KAZN: variants seen among roughly 807,000 people sequenced by gnomAD.
The protein encoded by KAZN is kazrin.
In KAZN, 40 loss-of-function variants were observed where a neutral mutation model predicts 87.4. The observed-to-expected ratio is 0.46, with a 90% CI of 0.36 to 0.60. The LOEUF is 0.60. KAZN is among the 20% of genes least tolerant of loss of function. The pLI is 0.00. For synonymous variants in KAZN, 466 were observed against 458.3 expected, an observed-to-expected ratio of 1.02 and a Z score of -0.22; for missense variants, 898 against 1,073.9, an observed-to-expected ratio of 0.84 and a Z score of 2.29.
intron 1 of KAZN, among the ~76,000 whole-genome samples, chr1:14,084,170 G>A (rs1426274585): frequency 6.6e-6 from 1 of 152,216 alleles, no homozygotes; most frequent in Admixed American, 6.5e-5. Context: ...AAGCGGGAAG[G>A]TCTGGGGACG....
Position 14,466,743 on chromosome 1 carries a change from C to T in KAZN, c.250-132240C>T, listed in dbSNP as rs545713500. Among the ~76,000 whole-genome samples the T allele has an allele frequency of 3.6e-3, 538 of 151,420 alleles. 4 individuals are homozygous for T. The highest frequency in any genetic ancestry group is 5.7e-3 in the Non-Finnish European group (386 of 67,866). On this transcript the variant is annotated intron_variant, in intron 2 of 16. Coordinates refer to the KAZN transcript ENST00000636203. ...CAGCACTTCGGGAGGCCGAGGTGGG[C>T]AGATCACGAAGTCAGGAGATGGAGA...
chr1:13,917,653 G>T (rs1424175406), intron 1 of KAZN, among the ~76,000 whole-genome samples: 1 of 151,862 alleles, frequency 6.6e-6, no homozygotes, highest in East Asian at 1.9e-4. Flanking sequence ...TTAAAAATTA[G>T]CTGGGTGTAG....
At chr1:14,123,515 T>G (rs1242111704) in intron 1 of KAZN, among the ~76,000 whole-genome samples, 1 of 152,172 alleles carries the variant, frequency 6.6e-6, no homozygotes, top group Non-Finnish European at 1.5e-5. Context: ...GTCAAATGAA[T>G]TTTTAAGCGA....
intron 1 of KAZN, among the ~76,000 whole-genome samples, chr1:14,765,303 A>G (rs1002416727): frequency 5.9e-5 from 9 of 152,318 alleles, no homozygotes; most frequent in Admixed American, 5.2e-4. Flanking sequence ...GCTGTAGATG[A>G]AATAGAAGCA....
In KAZN at chr1:14,289,587, A is replaced by G. The variant is rs906681860; in HGVS notation, c.249+108995A>G. On this transcript the variant is annotated intron_variant, in intron 2 of 16. Transcript: ENST00000636203. ...TTGAGCCTATGTCTCTGCACATAAGATGGGTCTCCCGAATATAGCACACTG... is the reference window on the plus strand; with the variant it reads ...TTGAGCCTATGTCTCTGCACATAAGGTGGGTCTCCCGAATATAGCACACTG... 1.2e-4 allele frequency among the ~76,000 whole-genome samples: 18 copies of G among 151,936 alleles called. No individual in the cohort carries two copies. The East Asian group carries it at 3.5e-3, about 30-fold the overall frequency.
In KAZN at chr1:14,949,829, C is replaced by G. The variant is rs1662269636; in HGVS notation, c.227-10855C>G. 6.6e-6 allele frequency among the ~76,000 whole-genome samples: 1 copy of G among 152,048 alleles called. No homozygotes were observed. The highest frequency in any genetic ancestry group is 2.4e-5 in the African/African-American group (1 of 41,366). On this transcript the variant is annotated intron_variant, in intron 1 of 14. Coordinates refer to ENST00000376030, the MANE Select transcript of KAZN (RefSeq NM_201628.3). The surrounding 1 kb of genome is among the most constrained non-coding windows in gnomAD (Gnocchi z 4.3). ...GTGGGTGAAGGCATGCAGGAGAGTACAGGTTTTCTGGGGTGTGGAGCTGGG... is the reference window on the plus strand; with the variant it reads ...GTGGGTGAAGGCATGCAGGAGAGTAGAGGTTTTCTGGGGTGTGGAGCTGGG...
chr1:14,482,917 T>G (rs1183969697), intron 2 of KAZN, among the ~76,000 whole-genome samples: 1 of 152,220 alleles, frequency 6.6e-6, no homozygotes, highest in Non-Finnish European at 1.5e-5. Flanking sequence ...GCAAGTATCC[T>G]TAGGTAAGTT....
At chr1:13,957,254 C>T (rs556855408) in intron 1 of KAZN, among the ~76,000 whole-genome samples, 45 of 152,190 alleles carry the variant, frequency 3.0e-4, no homozygotes, top group Non-Finnish European at 5.6e-4. Flanking sequence ...TGTGGAAATG[C>T]AAAATAAAAT....
chr1:14,535,492 C>T (rs571919122), intron 2 of KAZN, among the ~76,000 whole-genome samples: 1 of 152,210 alleles, frequency 6.6e-6, no homozygotes, highest in African/African-American at 2.4e-5. Context: ...ATGGTGAAAC[C>T]CCGTCTTTAC....
At chr1:14,095,138 C>G (rs2101629405) in intron 1 of KAZN, among the ~76,000 whole-genome samples, 1 of 152,290 alleles carries the variant, frequency 6.6e-6, no homozygotes, top group East Asian at 1.9e-4. Context: ...TGTGTACCAT[C>G]ACCATTCCCT....
In KAZN at chr1:14,688,968, C is replaced by T. The variant is rs187937246; in HGVS notation, c.226+89745C>T. On this transcript the variant is annotated intron_variant, in intron 1 of 14. Coordinates refer to ENST00000376030, the MANE Select transcript of KAZN (RefSeq NM_201628.3). The stretch of plus-strand genomic sequence containing the variant: ...TAGCACTTTGGGAAGCCAAGGTGGG[C>T]GGATTGCCTGAGCTCAGGAGTTGGA... Among the ~76,000 whole-genome samples, 1,151 of 152,096 alleles carry T rather than the reference C, an allele frequency of 7.6e-3. 9 individuals are homozygous for T. The highest frequency in any genetic ancestry group is 0.013 in the Non-Finnish European group (861 of 67,972).
At chr1:14,622,127 G>A (rs1235441271) in intron 1 of KAZN, among the ~76,000 whole-genome samples, 3 of 152,138 alleles carry the variant, frequency 2.0e-5, no homozygotes, top group African/African-American at 7.2e-5. Context: ...CCTTTACCTT[G>A]TGAGCTGCTT....
intron 1 of KAZN, among the ~76,000 whole-genome samples, chr1:14,853,950 A>G (rs1171307242): frequency 1.3e-5 from 2 of 152,208 alleles, no homozygotes; most frequent in Non-Finnish European, 2.9e-5. Context: ...AGAGAGATGT[A>G]CTTCTGGGTC....
intron 2 of KAZN, among the ~76,000 whole-genome samples, chr1:14,578,539 A>G (rs778339792): frequency 5.3e-5 from 8 of 152,190 alleles, no homozygotes; most frequent in Non-Finnish European, 1.0e-4. Flanking sequence ...AGAGTCTACT[A>G]ATGGAAATAT....
intron 2 of KAZN, among the ~76,000 whole-genome samples, chr1:14,332,663 T>C (rs1656935233): frequency 6.6e-6 from 1 of 152,104 alleles, no homozygotes; most frequent in Non-Finnish European, 1.5e-5. Context: ...AGCATGAATA[T>C]GAGCTCCTGC....
chr1:14,497,999 A>G (rs1460007779), intron 2 of KAZN, among the ~76,000 whole-genome samples: 1 of 152,156 alleles, frequency 6.6e-6, no homozygotes, highest in Non-Finnish European at 1.5e-5. Context: ...ACCAATTTCT[A>G]TCCGGTTTCC....
chr1:14,195,038 C>A (rs1570985562), intron 2 of KAZN, among the ~76,000 whole-genome samples: 1 of 152,284 alleles, frequency 6.6e-6, no homozygotes, highest in Non-Finnish European at 1.5e-5. Flanking sequence ...CTGGAAAATG[C>A]TTTTCAGCCA....
intron 1 of KAZN, among the ~76,000 whole-genome samples, chr1:14,778,333 G>C (rs1279397571): frequency 6.7e-6 from 1 of 150,304 alleles, no homozygotes; most frequent in East Asian, 2.0e-4. Flanking sequence ...TGTCAAAACC[G>C]CAAAAGGAAG....
rs954217100 is a variant in KAZN, at chr1:14,662,306, G to A, written c.226+63083G>A. Among the ~76,000 whole-genome samples the A allele has an allele frequency of 2.0e-5, 3 of 152,356 alleles. No homozygotes were observed. In the South Asian group the frequency reaches 6.2e-4, roughly 32 times the overall value. ...AAGGAGGCTGCTGGGACCATCCGCA[G>A]TGTCGGGGAAGTGGGTTGCTGACAC... is the stretch of plus-strand genomic sequence containing the variant. On this transcript the variant is annotated intron_variant, in intron 1 of 14. Coordinates refer to ENST00000376030, the MANE Select transcript of KAZN (RefSeq NM_201628.3).
Sources: allele counts gnomAD v4.1 joint callset (sites outside exome capture counted in the v4.1 genomes callset), GRCh38; gene constraint gnomAD v4.1.1; non-coding constraint Gnocchi (gnomAD v3.1); transcripts MANE v1.5; gene names NCBI Gene and HGNC (gene_info 2026-07-23, HGNC 2026-07-21).